The following COL28A1 variants were observed in gnomAD, a reference collection of about 807,000 sequenced individuals.
COL28A1 encodes collagen alpha-1(XXVIII) chain.
A neutral mutation model predicts 150.2 loss-of-function variants in COL28A1; 161 were observed. The ratio of observed to expected loss-of-function variants is 1.07; its 90% CI spans 0.94 to 1.22. COL28A1 has a LOEUF of 1.22. COL28A1 is among the 50% of genes most tolerant of loss of function. COL28A1 has a pLI of 0.00. For missense variants in COL28A1, 1,617 were observed against 1,388.3 expected (o/e 1.16, Z -2.62); for synonymous variants, 552 against 469.7 (o/e 1.18, Z -2.26).
chr7:7,380,598 G>T, intron 30 of COL28A1, 62 bp downstream of exon 30: 1 of 1,403,220 alleles, frequency 7.1e-7, no homozygotes, highest in Non-Finnish European at 1.0e-6. Flanking sequence ...TAAAGCTAAA[G>T]CATGAATGCA....
intron 20 of COL28A1, among the ~76,000 whole-genome samples, chr7:7,442,360 A>C (rs1231887366): frequency 6.6e-6 from 1 of 152,198 alleles, no homozygotes; most frequent in African/African-American, 2.4e-5. Context: ...GACATTGTTC[A>C]TTCTCACGGC....
chr7:7,358,444 G>T lies in COL28A1; in HGVS notation c.*189C>A. 1 of 486,136 alleles carries T rather than the reference G, an allele frequency of 2.1e-6. No homozygotes were observed. 30.1% of individuals were successfully genotyped at this position (486,136 alleles called of 1,614,324 possible). A position where few individuals can be genotyped will look rare whatever the true frequency, so the allele number is the denominator to read the frequency against. On this transcript the variant is annotated 3_prime_UTR_variant, in exon 35 of 35. Coordinates refer to ENST00000399429, the MANE Select transcript of COL28A1 (RefSeq NM_001037763.3). ...TTGACAAGTTACTAAACTTCTCAGA[G>T]CCTCAGCTTTCTTACCTATATAAGT...
intron 4 of COL28A1, among the ~76,000 whole-genome samples, chr7:7,523,369 A>G (rs1289200901): frequency 1.3e-5 from 2 of 151,960 alleles, no homozygotes; most frequent in African/African-American, 4.8e-5. Context: ...CATGTTGGCC[A>G]GGATGGTCTC....
At chr7:7,456,751 C>A (rs1015937645) in intron 15 of COL28A1, among the ~76,000 whole-genome samples, 1 of 152,086 alleles carries the variant, frequency 6.6e-6, no homozygotes, top group Non-Finnish European at 1.5e-5. Context: ...CAACAGTGAC[C>A]AAAACAGCTC....
upstream of COL28A1, among the ~76,000 whole-genome samples, chr7:7,536,635 G>C (rs1196961586): frequency 6.6e-6 from 1 of 152,102 alleles, no homozygotes; most frequent in Non-Finnish European, 1.5e-5. Flanking sequence ...CCCCTAGACA[G>C]CTAACAGGCA....
chr7:7,475,626 T>C (rs981577648), intron 14 of COL28A1, among the ~76,000 whole-genome samples: 2 of 152,234 alleles, frequency 1.3e-5, no homozygotes, highest in Admixed American at 6.5e-5. Flanking sequence ...ATATTCTTCT[T>C]AATGTTTCAC....
rs114040293 is a variant in COL28A1, at chr7:7,512,803, G to T, written c.883-1668C>A. Among the ~76,000 whole-genome samples, 1,463 of 152,236 alleles carry T rather than the reference G, an allele frequency of 9.6e-3. 25 individuals carry two copies. Among genetic ancestry groups the T allele is most frequent in the African/African-American group, 0.033 (1,388 of 41,536 alleles). On this transcript the variant is annotated intron_variant, in intron 8 of 34. Coordinates refer to ENST00000399429, the MANE Select transcript of COL28A1 (RefSeq NM_001037763.3). ...TCAAATGATTTACTTAAATGTACAG[G>T]CTACCCAATGACTCCTAGTCCAGTG...
At chr7:7,436,562 T>A (rs1293910907) in intron 22 of COL28A1, 99 bp from the exon 23 acceptor site, 1 of 772,980 alleles carries the variant, frequency 1.3e-6, no homozygotes, top group East Asian at 2.5e-5. Context: ...AAGAGCTTAA[T>A]CTGTCCATCT....
intron 27 of COL28A1, among the ~76,000 whole-genome samples, chr7:7,388,073 T>A (rs575490781): frequency 3.3e-5 from 5 of 152,254 alleles, no homozygotes; most frequent in African/African-American, 1.2e-4. Flanking sequence ...CATGGTTTGT[T>A]ACATAGGTAT....
At chr7:7,344,118 TTC>T in the COL28A1 span, among the ~76,000 whole-genome samples, 3 of 152,170 alleles carry the variant, frequency 2.0e-5, no homozygotes, top group Non-Finnish European at 2.9e-5. Context: ...CAGCCTGACA[TTC>T]TCTGTCTTAT....
chr7:7,434,500 G>A (rs535121082), intron 23 of COL28A1, among the ~76,000 whole-genome samples: 1 of 152,278 alleles, frequency 6.6e-6, no homozygotes, highest in Non-Finnish European at 1.5e-5. Flanking sequence ...GAATTAAAAG[G>A]AAAAGAAAAT....
At chr7:7,533,053 T>G in intron 1 of COL28A1, 141 bp from the exon 2 acceptor site, 1 of 969,480 alleles carries the variant, frequency 1.0e-6, no homozygotes, top group Middle Eastern at 3.6e-4. Context: ...AATATTCACA[T>G]TGAGATTTTG....
Position 7,474,676 on chromosome 7 carries a change from G to T in COL28A1, c.1234-7C>A. On this transcript the variant is annotated splice_region_variant and splice_polypyrimidine_tract_variant and intron_variant, in intron 14 of 34. Coordinates refer to ENST00000399429, the MANE Select transcript of COL28A1 (RefSeq NM_001037763.3). ...CTTCAGAACCTTTTTCACCCTGAAA[G>T]TACAAGGGAGGGATATCAATGCACC... The T allele has an allele frequency of 8.0e-7, 1 of 1,247,128 alleles. No individual in the cohort carries two copies. Among genetic ancestry groups the T allele is most frequent in the Non-Finnish European group, 1.2e-6 (1 of 845,176 alleles). 77.3% of individuals were successfully genotyped at this position (1,247,128 alleles called of 1,614,324 possible).
chr7:7,388,907 G>A (rs1196240038), intron 27 of COL28A1, among the ~76,000 whole-genome samples: 1 of 152,136 alleles, frequency 6.6e-6, no homozygotes, highest in Non-Finnish European at 1.5e-5. Flanking sequence ...CCCTTTGTCA[G>A]ATGGATAGAT....
At chr7:7,398,616 G>A in intron 27 of COL28A1, among the ~76,000 whole-genome samples, 1 of 152,206 alleles carries the variant, frequency 6.6e-6, no homozygotes, top group East Asian at 1.9e-4. Flanking sequence ...GGCTTTTCCA[G>A]TTGGACTCAG....
intron 27 of COL28A1, among the ~76,000 whole-genome samples, chr7:7,403,742 G>C (rs946928357): frequency 6.6e-6 from 1 of 152,122 alleles, no homozygotes; most frequent in Non-Finnish European, 1.5e-5. Context: ...TTCATCTAGG[G>C]ACAGGATTGC....
upstream of COL28A1, among the ~76,000 whole-genome samples, chr7:7,540,456 C>A (rs1782764901): frequency 6.6e-6 from 1 of 152,074 alleles, no homozygotes; most frequent in Non-Finnish European, 1.5e-5. Context: ...ACTTAGAAAC[C>A]ACTTTTATTT....
intron 16 of COL28A1, among the ~76,000 whole-genome samples, chr7:7,454,374 A>G (rs1227211841): frequency 6.6e-6 from 1 of 152,190 alleles, no homozygotes; most frequent in Non-Finnish European, 1.5e-5. Flanking sequence ...ATTTAAGTAG[A>G]ATTTATATCA....
rs1445564785 is a variant in COL28A1 at position 7,524,237 on chromosome 7, C to T, written c.694G>A (p.Glu232Lys). The T allele has an allele frequency of 7.4e-7, 1 of 1,354,620 alleles. No homozygotes were observed. The highest frequency in any genetic ancestry group is 1.1e-6 in the Non-Finnish European group (1 of 943,644). The allele number at this position is 1,354,620 out of a possible 1,614,324, so 83.9% of individuals were successfully genotyped here. A position where few individuals can be genotyped will look rare whatever the true frequency, so the allele number is the denominator to read the frequency against. ...KIQDRLDILFEKKCERKICEC... is the reference protein window; with the variant it reads ...KIQDRLDILFKKKCERKICEC... The stretch of plus-strand genomic sequence containing the variant: ...AAGCATGTGGTGCTTACCTTCTTTT[C>T]AAATAAGATATCCTACAAGGGAAAA... Residue 232 changes from glutamate to lysine, a missense_variant, in exon 4 of 35, where the codon GAA becomes AAA. Physicochemically the swap from Glu to Lys is moderately conservative, Grantham distance 56. Transcript: ENST00000399429.
Sources: allele counts gnomAD v4.1 joint callset (sites outside exome capture counted in the v4.1 genomes callset), GRCh38; gene constraint gnomAD v4.1.1; transcripts MANE v1.5; gene names NCBI Gene and HGNC (gene_info 2026-07-23, HGNC 2026-07-21).